Variants in FANCM observed in about 807,000 individuals in gnomAD.
FANCM encodes FA complementation group M.
FANCM carries 140 observed loss-of-function variants against 199.5 expected under a neutral mutation model. The ratio of observed to expected loss-of-function variants is 0.70; its 90% CI spans 0.61 to 0.81. The LOEUF (loss-of-function observed/expected upper bound fraction) is 0.81, where lower values mean the gene tolerates loss of function less well. FANCM is among the 30% of genes least tolerant of loss of function. The probability of loss-of-function intolerance (pLI) is 0.00; values close to 1 mark genes in which losing one functional copy is unlikely to be tolerated. For missense variants in FANCM, 2,410 were observed against 2,421.4 expected, an observed-to-expected ratio of 1.00 and a Z score of 0.10; for synonymous variants, 840 against 836.8, an observed-to-expected ratio of 1.00 and a Z score of -0.07.
intron 2 of FANCM, chr14:45,137,603 C>T (rs962159602): frequency 7.2e-6 from 2 of 276,658 alleles, no homozygotes; most frequent in Non-Finnish European, 1.4e-5. Flanking sequence ...TATGCGGTGT[C>T]TCTTCTTGGC....
Position 45,176,097 on chromosome 14 carries a change from A to G in FANCM, c.3343A>G (p.Asn1115Asp). ...TGCACAGAATTTAGTTGGAGAGAAC[A>G]ATCATGATGTTGATAACAGTGACCT... The part of the protein sequence containing the change: ...SPAQNLVGEN[N>D]HDVDNSDLPV... Residue 1115 changes from asparagine to aspartate, a missense_variant, in exon 14 of 23, where the codon AAT (asparagine) becomes GAT (aspartate). Physicochemically the swap from Asn to Asp is conservative, Grantham distance 23. Coordinates refer to ENST00000267430, the MANE Select transcript of FANCM (RefSeq NM_020937.4). 6.2e-7 allele frequency: 1 copy of G among 1,614,110 alleles called. No individual in the cohort carries two copies. Among genetic ancestry groups the G allele is most frequent in the South Asian group, 1.1e-5 (1 of 91,086 alleles).
intron 2 of FANCM, among the ~76,000 whole-genome samples, chr14:45,139,603 G>A (rs1259555932): frequency 6.6e-6 from 1 of 152,182 alleles, no homozygotes; most frequent in Non-Finnish European, 1.5e-5. Context: ...TGCTACCGAG[G>A]AAATGTTTTA....
chr14:45,136,097 T>G lies in FANCM; in HGVS notation c.66T>G (p.Thr22=). The G allele has an allele frequency of 1.9e-6, 3 of 1,614,120 alleles. No individual in the cohort carries two copies. Among genetic ancestry groups the G allele is most frequent in the African/African-American group, 1.3e-5 (1 of 75,042 alleles). The change falls in exon 1 of 23, where the codon ACT becomes ACG. Residue 22 remains threonine (T), a synonymous_variant. Transcript: ENST00000267430. ...WGSSISRSSG[T]PGCSSGTERP... ...CAAGTATCTCCCGATCATCTGGGAC[T>G]CCGGGTTGCAGCTCCGGAACTGAGC...
In FANCM at chr14:45,185,421, C is replaced by T. The variant is rs528988771; in HGVS notation, c.4672+48C>T. On this transcript the variant is annotated intron_variant, in intron 18 of 22. Coordinates refer to ENST00000267430, the MANE Select transcript of FANCM (RefSeq NM_020937.4). ...AAATTTTTTTCAATGTTTTTATGTG[C>T]TTATATTTAAATATTTTAATCAGTT... 5.6e-5 allele frequency: 61 copies of T among 1,092,748 alleles called. No homozygotes were observed. In the South Asian group the frequency reaches 8.6e-4, roughly 15 times the overall value. The allele number at this position is 1,092,748 out of a possible 1,614,324, so 67.7% of individuals were successfully genotyped here. A position where few individuals can be genotyped will look rare whatever the true frequency, so the allele number is the denominator to read the frequency against.
intron 9 of FANCM, among the ~76,000 whole-genome samples, chr14:45,162,512 G>A (rs1235124060): frequency 2.0e-5 from 3 of 152,118 alleles, no homozygotes; most frequent in Admixed American, 2.0e-4. Context: ...ACTAGAGTCA[G>A]CCAACAAAAT....
At chr14:45,197,999 C>G (rs1480728180) in intron 21 of FANCM, among the ~76,000 whole-genome samples, 8 of 149,892 alleles carry the variant, frequency 5.3e-5, no homozygotes, top group Non-Finnish European at 4.4e-5. Context: ...GATTTCTTGA[C>G]CTCGTTATCT....
intron 20 of FANCM, 114 bp from the exon 21 acceptor site, chr14:45,196,058 T>C (rs957963813): frequency 2.7e-6 from 3 of 1,107,192 alleles, no homozygotes; most frequent in Non-Finnish European, 4.2e-6. Flanking sequence ...TTTGGTCAAA[T>C]TGAAGGACGA....
At chr14:45,166,422 C>CGGTG (rs1309757092) in intron 10 of FANCM, among the ~76,000 whole-genome samples, 1 of 152,010 alleles carries the variant, frequency 6.6e-6, no homozygotes, top group Non-Finnish European at 1.5e-5. Context: ...CAGGCGTGAG[C>CGGTG]CACCGCACCC....
intron 3 of FANCM, among the ~76,000 whole-genome samples, chr14:45,142,308 CTT>C (rs747693010): frequency 1.2e-4 from 17 of 137,568 alleles, no homozygotes; most frequent in East Asian, 2.1e-4. Context: ...CCTCTTTTTT[CTT>C]TTTTTTTTTT....
At chr14:45,199,554 A>C (rs1164095444) in intron 22 of FANCM, among the ~76,000 whole-genome samples, 2 of 152,170 alleles carry the variant, frequency 1.3e-5, no homozygotes, top group Admixed American at 6.5e-5. Context: ...AAGGATATCC[A>C]CCTTTATCAA....
chr14:45,157,603 G>A (rs1887289186), intron 8 of FANCM, among the ~76,000 whole-genome samples: 1 of 152,198 alleles, frequency 6.6e-6, no homozygotes, highest in Admixed American at 6.6e-5. Flanking sequence ...GGGTAAAAAG[G>A]CAGGCTGTGA....
At chr14:45,185,891 T>C (rs1308087740) in intron 18 of FANCM, among the ~76,000 whole-genome samples, 1 of 152,106 alleles carries the variant, frequency 6.6e-6, no homozygotes, top group Admixed American at 6.5e-5. Context: ...CATTTTATTG[T>C]ATTATTTTTT....
intron 2 of FANCM, 118 bp from the exon 3 acceptor site, chr14:45,140,514 C>T (rs1885836206): frequency 1.3e-5 from 9 of 702,956 alleles, no homozygotes; most frequent in Non-Finnish European, 2.1e-5. Flanking sequence ...ACTCACTAGA[C>T]CATCAATATA....
At chr14:45,163,807 T>G (rs1398771372) in intron 9 of FANCM, among the ~76,000 whole-genome samples, 2 of 152,326 alleles carry the variant, frequency 1.3e-5, no homozygotes, top group South Asian at 2.1e-4. Context: ...GAACTTAAAT[T>G]GTTGACAAAT....
chr14:45,170,497 A>T (rs776557951), intron 11 of FANCM, 92 bp from the exon 12 acceptor site: 1 of 903,920 alleles, frequency 1.1e-6, no homozygotes. Flanking sequence ...TTGCACTCCA[A>T]CCTGGGTGAC....
Position 45,154,707 on chromosome 14 carries a change from G to C in FANCM, c.1194G>C (p.Arg398=). ...TCTTAATTTCTGAAGGGATGACACG[G>C]TCAAAAAATGAACTTGGCCGAAATG... The part of the protein sequence containing the change: ...GIMDGTKGMT[R]SKNELGRNED... Residue 398 remains arginine (R), a synonymous_variant, in exon 7 of 23, where the codon CGG becomes CGC. Coordinates refer to ENST00000267430, the MANE Select transcript of FANCM (RefSeq NM_020937.4). 6.3e-7 allele frequency: 1 copy of C among 1,595,592 alleles called. No homozygotes were observed. The highest frequency in any genetic ancestry group is 8.6e-7 in the Non-Finnish European group (1 of 1,166,854).
Position 45,200,073 on chromosome 14 carries a change from T to A in FANCM, c.*65T>A. ...ATATTAAATGCACTTCAATAATCAT[T>A]GCTGTTTTATGTTTATTTGTAAATA... On this transcript the variant is annotated 3_prime_UTR_variant, in exon 23 of 23. Transcript: ENST00000267430. The A allele has an allele frequency of 5.0e-6, 5 of 1,002,602 alleles. No individual in the cohort carries two copies. The highest frequency in any genetic ancestry group is 6.1e-6 in the Non-Finnish European group (4 of 660,946). The allele number at this position is 1,002,602 out of a possible 1,614,324, so 62.1% of individuals were successfully genotyped here. A position where few individuals can be genotyped will look rare whatever the true frequency, so the allele number is the denominator to read the frequency against.
At chr14:45,154,930 A>T (rs1887075285) in intron 7 of FANCM, 108 bp downstream of exon 7, 2 of 819,538 alleles carry the variant, frequency 2.4e-6, no homozygotes, top group Non-Finnish European at 4.0e-6. Context: ...TATATTTTGT[A>T]GCAACAGATC....
chr14:45,149,760 C>T (rs1243716750), intron 4 of FANCM, among the ~76,000 whole-genome samples: 1 of 152,106 alleles, frequency 6.6e-6, no homozygotes, highest in Non-Finnish European at 1.5e-5. Context: ...ATTACTTCAC[C>T]TACCTGGCAA....
Sources: allele counts gnomAD v4.1 joint callset (sites outside exome capture counted in the v4.1 genomes callset), GRCh38; gene constraint gnomAD v4.1.1; transcripts MANE v1.5; gene names NCBI Gene and HGNC (gene_info 2026-07-23, HGNC 2026-07-21).